Variants in ZNF385D observed in about 807,000 individuals in gnomAD.
ZNF385D encodes the protein zinc finger protein 385D, also known as zinc finger protein 659.
ZNF385D carries 15 observed loss-of-function variants against 35.8 expected under a neutral mutation model. The ratio of observed to expected loss-of-function variants is 0.42; its 90% confidence interval spans 0.28 to 0.64. ZNF385D has a LOEUF of 0.64. Among genes scored for constraint, ZNF385D ranks in the 30% least tolerant of loss-of-function variants. ZNF385D has a pLI of 0.23. For synonymous variants in ZNF385D, 212 were observed against 186.8 expected (o/e 1.13, Z -1.10); for missense variants, 474 against 494.6 (o/e 0.96, Z 0.39).
At chr3:21,802,885 G>C (rs551889940) in intron 3 of ZNF385D, among the ~76,000 whole-genome samples, 1 of 152,168 alleles carries the variant, frequency 6.6e-6, no homozygotes, top group East Asian at 1.9e-4. Flanking sequence ...AAGGTTTTGC[G>C]TGCAAGTGAT....
Position 21,608,021 on chromosome 3 carries a change from TTG to T in ZNF385D, c.166-43339_166-43338del, listed in dbSNP as rs1491179742. Among the ~76,000 whole-genome samples the T allele has an allele frequency of 3.9e-4, 56 of 143,120 alleles. 2 individuals carry two copies. The highest frequency in any genetic ancestry group is 1.1e-3 in the African/African-American group (42 of 38,078). 93.9% of individuals were successfully genotyped at this position (143,120 alleles called of 152,430 possible). ...TGTAATTCTTTTTCTTCTTTTTTTT[TTG>T]TTTTTTTTTTTTGAGTCTTGCTGTC... On this transcript the variant is annotated intron_variant, in intron 2 of 7. Transcript: ENST00000281523.
intron 3 of ZNF385D, among the ~76,000 whole-genome samples, chr3:22,036,271 C>G (rs1039710042): frequency 6.6e-6 from 1 of 152,034 alleles, no homozygotes; most frequent in African/African-American, 2.4e-5. Context: ...ATCACTTTTC[C>G]CCAAAGCAGA....
intron 3 of ZNF385D, among the ~76,000 whole-genome samples, chr3:22,009,991 A>T (rs546616505): frequency 5.9e-5 from 9 of 152,180 alleles, no homozygotes; most frequent in Non-Finnish European, 7.3e-5. Context: ...TAAAAAGGGC[A>T]TAAAGGAAAT....
At position 21,437,173 on chromosome 3, in the gene ZNF385D, G is replaced by A. The variant is rs1419009725; in HGVS notation, c.470C>T (p.Thr157Met). ...TTTGCGGATTTCCACAGTTGTCGTC[G>A]TTGATATTGCTGGTGTCCCTGCAGT... The part of the protein sequence containing the change: ...DGTAGTPAIS[T>M]TTTVEIRKSS... Residue 157 changes from threonine (T) to methionine (M), a missense_variant, in exon 5 of 8, where the codon ACG becomes ATG. Thr to Met is a moderately conservative substitution (Grantham distance 81, BLOSUM62 -1). Coordinates refer to ENST00000281523, the MANE Select transcript of ZNF385D (RefSeq NM_024697.3). 3 of 1,613,604 alleles carry A rather than the reference G, an allele frequency of 1.9e-6. No homozygotes were observed. Among genetic ancestry groups the A allele is most frequent in the Non-Finnish European group, 2.5e-6 (3 of 1,179,822 alleles).
intron 1 of ZNF385D, among the ~76,000 whole-genome samples, chr3:21,719,970 T>A (rs2068474177): frequency 6.6e-6 from 1 of 152,142 alleles, no homozygotes; most frequent in African/African-American, 2.4e-5. Flanking sequence ...TGGCCTATAT[T>A]TTTTCATTTG....
chr3:22,355,770 T>G (rs1339418681), intron 2 of ZNF385D, among the ~76,000 whole-genome samples: 1 of 152,018 alleles, frequency 6.6e-6, no homozygotes, highest in Non-Finnish European at 1.5e-5. Context: ...GAACATTCAT[T>G]TGTCCTTAAC....
At chr3:22,253,187 T>C (rs75948744) in intron 2 of ZNF385D, among the ~76,000 whole-genome samples, 1,858 of 151,842 alleles carry the variant, frequency 0.012, 47 homozygotes, top group South Asian at 0.092. Flanking sequence ...CATTGGAGGG[T>C]AGAAAAATAC....
chr3:21,921,360 T>C (rs767628377), intron 3 of ZNF385D, among the ~76,000 whole-genome samples: 7 of 152,114 alleles, frequency 4.6e-5, no homozygotes, highest in Non-Finnish European at 7.3e-5. Flanking sequence ...TCATTAACTA[T>C]AGAAATTGAT....
At chr3:21,822,248 A>G (rs1559658680) in intron 3 of ZNF385D, among the ~76,000 whole-genome samples, 2 of 151,646 alleles carry the variant, frequency 1.3e-5, no homozygotes, top group African/African-American at 2.4e-5. Flanking sequence ...ATTTTTTTGT[A>G]TTTATAGTAG....
chr3:21,996,900 T>G (rs973661553), intron 3 of ZNF385D, among the ~76,000 whole-genome samples: 34 of 152,220 alleles, frequency 2.2e-4, no homozygotes, highest in African/African-American at 8.2e-4. Flanking sequence ...AGCAATAACT[T>G]ATTCTGGCAT....
intron 3 of ZNF385D, among the ~76,000 whole-genome samples, chr3:21,541,221 T>C (rs2062167592): frequency 6.6e-6 from 1 of 152,166 alleles, no homozygotes; most frequent in Non-Finnish European, 1.5e-5. Context: ...AATTAGAGAA[T>C]AAAACCAAAT....
At chr3:21,807,644 CTTAGT>C (rs1299937430) in intron 3 of ZNF385D, among the ~76,000 whole-genome samples, 1 of 151,868 alleles carries the variant, frequency 6.6e-6, no homozygotes, top group African/African-American at 2.4e-5. Context: ...ATTTAAATAA[CTTAGT>C]TTAGTAATAA....
chr3:21,970,924 C>T (rs1206738518), intron 3 of ZNF385D, among the ~76,000 whole-genome samples: 3 of 149,702 alleles, frequency 2.0e-5, no homozygotes, highest in Non-Finnish European at 4.4e-5. Context: ...ATTTAAAGTG[C>T]AAAAGAAAAA....
Position 21,807,188 on chromosome 3 carries a change from T to C in ZNF385D, c.326-142160A>G, listed in dbSNP as rs569420148. On this transcript the variant is annotated intron_variant, in intron 3 of 5. Coordinates refer to the ZNF385D transcript ENST00000494108. ...TAAAATTAAGTTTAATAGTATACTT[T>C]ATATAAACTAAAATATCCAAATCAT... Among the ~76,000 whole-genome samples the C allele has an allele frequency of 8.5e-4, 130 of 152,360 alleles. 1 individual carries two copies. Among genetic ancestry groups the C allele is most frequent in the African/African-American group, 2.8e-3 (118 of 41,590 alleles).
intron 2 of ZNF385D, among the ~76,000 whole-genome samples, chr3:22,190,080 G>A (rs1403416518): frequency 1.3e-5 from 2 of 152,044 alleles, no homozygotes; most frequent in Non-Finnish European, 2.9e-5. Context: ...TGGGTGTAAC[G>A]AAGCAATAAA....
chr3:21,542,808 AG>A, intron 3 of ZNF385D: 1 of 152,328 alleles, frequency 6.6e-6, no homozygotes, highest in East Asian at 1.9e-4. Flanking sequence ...GACCTTGCGG[AG>A]GAAACTTGTT....
chr3:22,157,587 G>A (rs757560942), intron 3 of ZNF385D, among the ~76,000 whole-genome samples: 9 of 151,872 alleles, frequency 5.9e-5, no homozygotes, highest in South Asian at 2.1e-4. Context: ...GCATTAATTC[G>A]GCTTTTATTA....
chr3:22,019,273 T>C (rs577380939), intron 3 of ZNF385D, among the ~76,000 whole-genome samples: 30 of 151,790 alleles, frequency 2.0e-4, no homozygotes, highest in Non-Finnish European at 4.0e-4. Flanking sequence ...TTCTTTAAGC[T>C]CAAATATGTA....
chr3:21,571,725 A>G (rs1386168928), intron 2 of ZNF385D, among the ~76,000 whole-genome samples: 1 of 152,154 alleles, frequency 6.6e-6, no homozygotes, highest in Middle Eastern at 3.2e-3. Context: ...TGCCCCCAAC[A>G]GGTTTGACAA....
Sources: gnomAD v4.1 joint callset for allele counts (sites outside exome capture counted in the v4.1 genomes callset) on GRCh38, gnomAD v4.1.1 for gene constraint, MANE v1.5 for transcripts, NCBI Gene and HGNC (gene_info 2026-07-23, HGNC 2026-07-21) for gene names.